Variants in NOP53 observed in about 807,000 individuals in gnomAD.
NOP53 encodes ribosome biogenesis protein NOP53.
A neutral mutation model predicts 61.0 loss-of-function variants in NOP53; 40 were observed. The ratio of observed to expected loss-of-function variants is 0.66; its 90% CI spans 0.51 to 0.85. The LOEUF is 0.85. Among genes scored for constraint, NOP53 ranks in the 40% least tolerant of loss-of-function variants. NOP53 has a pLI of 0.00. For missense variants in NOP53, 689 were observed against 652.9 expected (o/e 1.06, Z -0.60); for synonymous variants, 308 against 289.5 (o/e 1.06, Z -0.65).
chr19:47,750,061 G>A (rs1473590502), intron 2 of NOP53, 117 bp from the exon 3 acceptor site: 4 of 632,532 alleles, frequency 6.3e-6, no homozygotes, highest in Non-Finnish European at 1.1e-5. Context: ...GGACCTCCAA[G>A]TCTCCTGGGG....
At chr19:47,752,729 G>C (rs553032041) in intron 6 of NOP53, 122 bp downstream of exon 6, 1 of 665,158 alleles carries the variant, frequency 1.5e-6, no homozygotes, top group South Asian at 1.7e-5. Context: ...TGTCCGCAAC[G>C]GGGCTCACGG....
At chr19:47,747,179 A>C in intron 2 of NOP53, 148 bp downstream of exon 2, 3 of 617,630 alleles carry the variant, frequency 4.9e-6, no homozygotes, top group Admixed American at 3.3e-5. Context: ...GGGACCTCAA[A>C]TGGGCAGAAA....
In NOP53 at chr19:47,754,540, C is replaced by T. The variant is rs375058176; in HGVS notation, c.779C>T (p.Ala260Val). 5.9e-4 allele frequency: 914 copies of T among 1,550,298 alleles called. 2 individuals are homozygous for T. Among genetic ancestry groups the T allele is most frequent in the Non-Finnish European group, 6.3e-4 (723 of 1,147,344 alleles). Reference protein sequence around the residue: ...SFEDHQTLLSAAHEVELQRQK... With the variant: ...SFEDHQTLLSVAHEVELQRQK... ...CCCGCCCCTCAGACCCTGCTCTCAGCGGCCCACGAGGTGGAGTTGCAGCGG... is the reference window on the plus strand; with the variant it reads ...CCCGCCCCTCAGACCCTGCTCTCAGTGGCCCACGAGGTGGAGTTGCAGCGG... The change falls in exon 7 of 13, where the codon GCG (alanine) becomes GTG (valine). Residue 260 changes from alanine to valine, a missense_variant. Coordinates refer to ENST00000246802, the MANE Select transcript of NOP53 (RefSeq NM_015710.5). The surrounding 1 kb of genome is among the most constrained non-coding windows in gnomAD (Gnocchi z 4.2).
At chr19:47,751,615 TG>T (rs1330360412) in intron 5 of NOP53, 25 bp downstream of exon 5, 1 of 1,583,860 alleles carries the variant, frequency 6.3e-7, no homozygotes, top group Admixed American at 1.7e-5. Flanking sequence ...AAGGGCATCC[TG>T]GGTGATGGGA....
Position 47,750,184 on chromosome 19 carries a change from CAAA to C in NOP53, c.297_299del (p.Lys101del), listed in dbSNP as rs762280802. ...TTCTCTTTCCCATTCTTAGGGCTGA[CAAA>C]GAAGAGAACCAAAGTCCAGAAGAAG... On this transcript the variant is annotated inframe_deletion, in exon 3 of 13. Coordinates refer to ENST00000246802, the MANE Select transcript of NOP53 (RefSeq NM_015710.5). The C allele has an allele frequency of 7.5e-6, 12 of 1,606,280 alleles. No homozygotes were observed. The highest frequency in any genetic ancestry group is 1.7e-5 in the Admixed American group (1 of 59,988).
At chr19:47,756,424 G>T in intron 10 of NOP53, 104 bp from the exon 11 acceptor site, 1 of 856,340 alleles carries the variant, frequency 1.2e-6, no homozygotes, top group Non-Finnish European at 1.8e-6. Context: ...AGGCTGCCCT[G>T]GGGGGAGACT....
intron 8 of NOP53, 148 bp from the exon 9 acceptor site, chr19:47,755,200 A>T: frequency 1.8e-6 from 1 of 568,026 alleles, no homozygotes; most frequent in Non-Finnish European, 3.0e-6. Flanking sequence ...GCTGCTGGGA[A>T]GGCACTGGAG....
In NOP53 at chr19:47,749,183, T is replaced by C. The variant is rs1414839030; in HGVS notation, c.290-995T>C. Among the ~76,000 whole-genome samples the C allele has an allele frequency of 2.1e-5, 3 of 145,470 alleles. No homozygotes were observed. In the South Asian group the frequency reaches 6.5e-4, roughly 31 times the overall value. ...CTCAAAAAAAAAAAAAAGTGGGGGG[T>C]TATTAGAGAAGTCAGCCTTGACCGA... On this transcript the variant is annotated intron_variant, in intron 2 of 12. Transcript: ENST00000246802.
intron 4 of NOP53, 60 bp from the exon 5 acceptor site, chr19:47,751,460 G>A: frequency 7.7e-7 from 1 of 1,299,284 alleles, no homozygotes; most frequent in Non-Finnish European, 1.1e-6. Flanking sequence ...TTGGGGGGGA[G>A]CCTTTGGTGC....
At position 47,752,555 on chromosome 19, in the gene NOP53, T is replaced by C; in HGVS notation, c.713T>C (p.Val238Ala). 1 of 1,611,232 alleles carries C rather than the reference T, an allele frequency of 6.2e-7. No homozygotes were observed. The highest frequency in any genetic ancestry group is 8.5e-7 in the Non-Finnish European group (1 of 1,179,068). The change falls in exon 6 of 13, where the codon GTG becomes GCG. Residue 238 changes from valine to alanine, a missense_variant. Val to Ala is a moderately conservative substitution (Grantham distance 64). Transcript: ENST00000246802. ...ACCAAGCCGTCCCAGGCACCCGCCG[T>C]GGAGGTGGCGCCTGCCGGAGCTTCC... ...LHTKPSQAPA[V>A]EVAPAGASYN...
rs1337347723 is a variant in NOP53 at position 47,745,654 on chromosome 19, C to T, written c.95C>T (p.Pro32Leu). 6.2e-7 allele frequency: 1 copy of T among 1,613,922 alleles called. No individual in the cohort carries two copies. Among genetic ancestry groups the T allele is most frequent in the Non-Finnish European group, 8.5e-7 (1 of 1,179,970 alleles). The change falls in exon 1 of 13, where the codon CCA (proline) becomes CTA (leucine). Residue 32 changes from proline (P) to leucine (L), a missense_variant. Physicochemically the swap from Pro to Leu is moderately conservative, Grantham distance 98. Coordinates refer to ENST00000246802, the MANE Select transcript of NOP53 (RefSeq NM_015710.5). ...FLGLRPTSVD[P>L]ALRRRRRGPR... is the part of the protein sequence containing the mutation. ...GGGCTGCGGCCCACTTCGGTGGACC[C>T]AGCGCTGAGGCGGCGGCGGCGAGGC... is the stretch of plus-strand genomic sequence containing the variant.
At chr19:47,751,391 C>T (rs1241855750) in intron 4 of NOP53, 129 bp from the exon 5 acceptor site, 3 of 735,158 alleles carry the variant, frequency 4.1e-6, no homozygotes, top group South Asian at 1.7e-5. Context: ...CCCTTGGGGT[C>T]TAGAATCAGT....
chr19:47,755,347 G>A lies in NOP53; in HGVS notation c.1054-1G>A. The A allele has an allele frequency of 6.7e-7, 1 of 1,503,472 alleles. No individual in the cohort carries two copies. Among genetic ancestry groups the A allele is most frequent in the Non-Finnish European group, 8.8e-7 (1 of 1,134,160 alleles). The allele number at this position is 1,503,472 out of a possible 1,614,324, so 93.1% of individuals were successfully genotyped here. On this transcript the variant is annotated splice_acceptor_variant, in intron 8 of 12. Transcript: ENST00000246802. LOFTEE classifies it high-confidence loss of function. ...GCCCTGACCCTCCCCCGTCTCCACA[G>A]CGGGTACAGCAGGCCGCGTTGCGGG...
intron 2 of NOP53, among the ~76,000 whole-genome samples, chr19:47,748,074 C>G (rs950637168): frequency 6.6e-6 from 1 of 151,648 alleles, no homozygotes; most frequent in Non-Finnish European, 1.5e-5. Context: ...GCCACCACGC[C>G]TGGTCAAGCC....
At chr19:47,750,026 C>T (rs1047126357) in intron 2 of NOP53, 152 bp from the exon 3 acceptor site, 2 of 550,092 alleles carry the variant, frequency 3.6e-6, no homozygotes, top group Admixed American at 3.1e-5. Context: ...TCCTTAGGGG[C>T]CTCTACCTCC....
intron 5 of NOP53, among the ~76,000 whole-genome samples, chr19:47,751,915 A>G (rs1180684745): frequency 6.6e-6 from 1 of 150,848 alleles, no homozygotes; most frequent in African/African-American, 2.4e-5. Context: ...CAGCCTGACC[A>G]ACGTGGTGAA....
intron 5 of NOP53, 97 bp downstream of exon 5, chr19:47,751,687 C>G: frequency 1.1e-6 from 1 of 949,182 alleles, no homozygotes; most frequent in Non-Finnish European, 1.7e-6. Flanking sequence ...CAGAGCCCTT[C>G]CATCCCAGTG....
chr19:47,746,801 C>T, intron 1 of NOP53, 166 bp from the exon 2 acceptor site: 1 of 578,598 alleles, frequency 1.7e-6, no homozygotes, highest in South Asian at 2.1e-5. Context: ...CTGCGCCTGG[C>T]AGTCCTTCCT....
intron 9 of NOP53, 55 bp downstream of exon 9, chr19:47,755,578 G>A: frequency 6.9e-7 from 1 of 1,442,548 alleles, no homozygotes; most frequent in Non-Finnish European, 9.2e-7. Context: ...CGGGTCCCAG[G>A]TCCTGACACC....
Sources: gnomAD v4.1 joint callset for allele counts (sites outside exome capture counted in the v4.1 genomes callset) on GRCh38, gnomAD v4.1.1 for gene constraint, Gnocchi (gnomAD v3.1) non-coding constraint, MANE v1.5 for transcripts, NCBI Gene and HGNC (gene_info 2026-07-23, HGNC 2026-07-21) for gene names.